ETV6: variants seen among roughly 807,000 people sequenced by gnomAD.
ETV6 encodes the protein transcription factor ETV6.
In ETV6, 16 loss-of-function variants were observed where a neutral mutation model predicts 51.1. The ratio of observed to expected loss-of-function variants is 0.31; its 90% CI spans 0.21 to 0.48. The LOEUF (loss-of-function observed/expected upper bound fraction) is 0.48, where lower values mean the gene tolerates loss of function less well. Ranked by LOEUF, ETV6 falls within the 20% of genes least tolerant of loss-of-function variation. ETV6 has a pLI of 0.99. For synonymous variants in ETV6, 240 were observed against 224.1 expected, an observed-to-expected ratio of 1.07 and a Z score of -0.64; for missense variants, 458 against 594.8, an observed-to-expected ratio of 0.77 and a Z score of 2.39.
intron 2 of ETV6, 59 bp from the exon 3 acceptor site, chr12:11,839,081 A>G: frequency 1.3e-6 from 2 of 1,545,948 alleles, no homozygotes; most frequent in Non-Finnish European, 1.8e-6. Flanking sequence ...CCTTTATTCC[A>G]GCTGTCTAAC....
chr12:11,875,780 A>G (rs1946973213), intron 5 of ETV6, among the ~76,000 whole-genome samples: 1 of 152,134 alleles, frequency 6.6e-6, no homozygotes, highest in South Asian at 2.1e-4. Flanking sequence ...CCAAAGTGTG[A>G]GCCAAATCCA....
chr12:11,870,016 A>G (rs990246799), intron 5 of ETV6, 47 bp downstream of exon 5: 39 of 1,545,702 alleles, frequency 2.5e-5, no homozygotes, highest in Middle Eastern at 1.9e-4. Context: ...GGGACCTGAC[A>G]AAGTCCCACT....
intron 2 of ETV6, among the ~76,000 whole-genome samples, chr12:11,782,872 T>C (rs1005586748): frequency 2.0e-5 from 3 of 152,220 alleles, no homozygotes; most frequent in African/African-American, 4.8e-5. Context: ...ATATGTATTA[T>C]AAGTATACAT....
intron 2 of ETV6, among the ~76,000 whole-genome samples, chr12:11,830,114 T>A (rs1946220341): frequency 6.6e-6 from 1 of 152,154 alleles, no homozygotes; most frequent in Non-Finnish European, 1.5e-5. Context: ...CTTGGTTTTC[T>A]TTTGAAGGGC....
At position 11,891,157 on chromosome 12, in the gene ETV6, A is replaced by T; in HGVS notation, c.*111A>T. ...GCTGAGGAGAGTGGAAAAGGAAGCG[A>T]CCCAGAAATGGCAGGGACACTTCTC... On this transcript the variant is annotated 3_prime_UTR_variant, in exon 8 of 8. Transcript: ENST00000396373. 1 of 804,434 alleles carries T rather than the reference A, an allele frequency of 1.2e-6. No individual in the cohort carries two copies. The highest frequency in any genetic ancestry group is 1.5e-5 in the South Asian group (1 of 65,528). 49.8% of individuals were successfully genotyped at this position (804,434 alleles called of 1,614,324 possible). A position where few individuals can be genotyped will look rare whatever the true frequency, so the allele number is the denominator to read the frequency against.
At chr12:11,684,391 G>T (rs895558071) in intron 1 of ETV6, among the ~76,000 whole-genome samples, 1 of 152,120 alleles carries the variant, frequency 6.6e-6, no homozygotes, top group African/African-American at 2.4e-5. Flanking sequence ...TGCTTAGAAA[G>T]TCTTTCTCTA....
chr12:11,775,942 C>G (rs1384922124), intron 2 of ETV6, among the ~76,000 whole-genome samples: 2 of 152,214 alleles, frequency 1.3e-5, no homozygotes, highest in African/African-American at 4.8e-5. Context: ...TATTTTCAGT[C>G]TCACCAGCAT....
In ETV6 at chr12:11,873,794, A is replaced by G. The variant is rs1395074792; in HGVS notation, c.1009+3825A>G. 2.7e-5 allele frequency among the ~76,000 whole-genome samples: 3 copies of G among 111,988 alleles called. 1 individual carries two copies. The highest frequency in any genetic ancestry group is 5.4e-5 in the Non-Finnish European group (3 of 55,096). 73.5% of individuals were successfully genotyped at this position (111,988 alleles called of 152,430 possible). On this transcript the variant is annotated intron_variant, in intron 5 of 7. Coordinates refer to ENST00000396373, the MANE Select transcript of ETV6 (RefSeq NM_001987.5). ...TCTTTATCATGAAAGAGCTGAGCAC[A>G]GTTAACTATAAAAGCGAAGCACATG... is the stretch of plus-strand genomic sequence containing the variant.
intron 1 of ETV6, among the ~76,000 whole-genome samples, chr12:11,721,195 A>C (rs1188807654): frequency 1.3e-5 from 2 of 152,318 alleles, no homozygotes. Context: ...CATTCAGCCC[A>C]TAAATCTCAT....
chr12:11,652,532 T>G (rs34809544), intron 1 of ETV6, among the ~76,000 whole-genome samples: 5,297 of 152,314 alleles, frequency 0.035, 121 homozygotes, highest in Admixed American at 0.062. Flanking sequence ...AAGGATGAGC[T>G]GATGAACCTG....
At position 11,822,563 on chromosome 12, in the gene ETV6, C is replaced by CT. The variant is rs148908009; in HGVS notation, c.164-16576dup. On this transcript the variant is annotated intron_variant, in intron 2 of 7. Transcript: ENST00000396373. ...GAAGAGTGTTTAACCTAATGTCCTGCTGCGGGCTTGCTTTCCACGGGCCTC... is the reference window on the plus strand; with the variant it reads ...GAAGAGTGTTTAACCTAATGTCCTGCTTGCGGGCTTGCTTTCCACGGGCCTC... Among the ~76,000 whole-genome samples, 676 of 152,290 alleles carry CT rather than the reference C, an allele frequency of 4.4e-3. 3 individuals are homozygous for CT. Among genetic ancestry groups the CT allele is most frequent in the African/African-American group, 0.015 (626 of 41,558 alleles).
chr12:11,757,730 C>CT (rs1408948246), intron 2 of ETV6, among the ~76,000 whole-genome samples: 1 of 152,174 alleles, frequency 6.6e-6, no homozygotes, highest in Admixed American at 6.5e-5. Context: ...AGAGGCACTG[C>CT]TGACCGCTGA....
At chr12:11,842,121 G>A (rs987609428) in intron 3 of ETV6, among the ~76,000 whole-genome samples, 2 of 151,804 alleles carry the variant, frequency 1.3e-5, no homozygotes, top group African/African-American at 4.8e-5. Flanking sequence ...GATGTAGGCT[G>A]GTGTACATGG....
At chr12:11,752,297 T>C (rs1246139935) in intron 1 of ETV6, among the ~76,000 whole-genome samples, 153 bp from the exon 2 acceptor site, 5 of 152,182 alleles carry the variant, frequency 3.3e-5, no homozygotes, top group African/African-American at 1.2e-4. Flanking sequence ...ATACAGTGTC[T>C]CTACGGAGAG....
rs59624591 is a variant in ETV6 at position 11,701,759 on chromosome 12, C to T, written c.34-50691C>T. On this transcript the variant is annotated intron_variant, in intron 1 of 7. Coordinates refer to ENST00000396373, the MANE Select transcript of ETV6 (RefSeq NM_001987.5). The stretch of plus-strand genomic sequence containing the variant: ...ACTCAGCTAACTGTGGTACCATGTG[C>T]TAGGTGCCAAAGGAGGAACAGAGGG... Among the ~76,000 whole-genome samples, 1,314 of 152,268 alleles carry T rather than the reference C, an allele frequency of 8.6e-3. 19 individuals carry two copies. Among genetic ancestry groups the T allele is most frequent in the African/African-American group, 0.029 (1,192 of 41,550 alleles).
chr12:11,694,903 G>A (rs1864846254), intron 1 of ETV6, among the ~76,000 whole-genome samples: 1 of 152,112 alleles, frequency 6.6e-6, no homozygotes, highest in Admixed American at 6.5e-5. Context: ...TTAGCACTGT[G>A]CTTTTCTTCC....
At chr12:11,682,196 A>G (rs896302781) in intron 1 of ETV6, among the ~76,000 whole-genome samples, 24 of 152,184 alleles carry the variant, frequency 1.6e-4, no homozygotes, top group Non-Finnish European at 3.2e-4. Context: ...GTGTAAAAGC[A>G]TTCCTATTTC....
intron 2 of ETV6, among the ~76,000 whole-genome samples, chr12:11,760,934 GTATATATGTA>G (rs1945077973): frequency 2.3e-5 from 1 of 44,226 alleles, no homozygotes; most frequent in Non-Finnish European, 1.1e-4. Flanking sequence ...GTGTGTGTGT[GTATATATGTA>G]TATATGTGTG....
rs1199377459 is a variant in ETV6, at chr12:11,893,475, A to G, written c.*2429A>G. On this transcript the variant is annotated 3_prime_UTR_variant, in exon 8 of 8. Transcript: ENST00000396373. ...TAGGATGATACCTTCAGCCACTTGA[A>G]GAAGAAATAGAAGGCGCTCATTCCA... 4 of 231,600 alleles carry G rather than the reference A, an allele frequency of 1.7e-5. No individual in the cohort carries two copies. Among genetic ancestry groups the G allele is most frequent in the Non-Finnish European group, 3.4e-5 (4 of 117,196 alleles). 14.3% of individuals were successfully genotyped at this position (231,600 alleles called of 1,614,324 possible).
Sources: allele counts gnomAD v4.1 joint callset (sites outside exome capture counted in the v4.1 genomes callset), GRCh38; gene constraint gnomAD v4.1.1; transcripts MANE v1.5; gene names NCBI Gene and HGNC (gene_info 2026-07-23, HGNC 2026-07-21).